CSMD1: variants seen among roughly 807,000 people sequenced by gnomAD.
The protein encoded by CSMD1 is CUB and Sushi multiple domains 1.
Under a neutral mutation model 417.5 loss-of-function variants are expected in CSMD1, and 213 were observed. The observed-to-expected ratio is 0.51, with a 90% CI of 0.46 to 0.57. The LOEUF (loss-of-function observed/expected upper bound fraction) is 0.57, where lower values mean the gene tolerates loss of function less well. Ranked by LOEUF, CSMD1 falls within the 20% of genes least tolerant of loss-of-function variation. The probability of loss-of-function intolerance (pLI) is 0.00; values close to 1 mark genes in which losing one functional copy is unlikely to be tolerated. For synonymous variants in CSMD1, 2,862 were observed against 1,736.8 expected (o/e 1.65, Z -16.11); for missense variants, 6,923 against 4,529.7 (o/e 1.53, Z -15.17).
chr8:4,019,487 G>T (rs1170021189), intron 4 of CSMD1, among the ~76,000 whole-genome samples: 1 of 152,146 alleles, frequency 6.6e-6, no homozygotes, highest in Non-Finnish European at 1.5e-5. Flanking sequence ...CTGTTTTACT[G>T]GGGCCCATTG....
At chr8:3,607,918 C>T (rs1043671610) in intron 8 of CSMD1, among the ~76,000 whole-genome samples, 1 of 152,042 alleles carries the variant, frequency 6.6e-6, no homozygotes, top group Non-Finnish European at 1.5e-5. Context: ...GCCTGTAATC[C>T]CAGCACTTTG....
intron 1 of CSMD1, among the ~76,000 whole-genome samples, chr8:4,753,988 G>C (rs754767692): frequency 1.3e-5 from 2 of 152,208 alleles, no homozygotes; most frequent in African/African-American, 4.8e-5. Flanking sequence ...TACAGGAAGA[G>C]TAAAAATAGT....
In CSMD1 at chr8:3,678,368, G is replaced by T. The variant is rs139114539; in HGVS notation, c.1009+30046C>A. 4.6e-3 allele frequency among the ~76,000 whole-genome samples: 696 copies of T among 152,282 alleles called. 2 individuals carry two copies. The highest frequency in any genetic ancestry group is 7.0e-3 in the Non-Finnish European group (476 of 68,028). On this transcript the variant is annotated intron_variant, in intron 7 of 69. Transcript: ENST00000635120. ...GGACCTGATGGAGCTGAAAACCATG[G>T]CACGGGAACTACGTGATGAATGCAC...
intron 15 of CSMD1, among the ~76,000 whole-genome samples, chr8:3,405,710 G>C (rs1182454662): frequency 2.0e-5 from 3 of 152,128 alleles, no homozygotes; most frequent in Non-Finnish European, 2.9e-5. Context: ...TTTGAGTCTG[G>C]AGGCAGAGAT....
chr8:4,522,287 G>A (rs529407938), intron 2 of CSMD1, among the ~76,000 whole-genome samples: 2 of 152,250 alleles, frequency 1.3e-5, no homozygotes, highest in African/African-American at 4.8e-5. Flanking sequence ...CTTGCCTTCT[G>A]CCATAATTGT....
intron 3 of CSMD1, among the ~76,000 whole-genome samples, chr8:4,319,359 C>A (rs1022380354): frequency 6.6e-6 from 1 of 152,014 alleles, no homozygotes; most frequent in African/African-American, 2.4e-5. Flanking sequence ...TTTCCTTTTG[C>A]TGAATGTTTC....
intron 7 of CSMD1, among the ~76,000 whole-genome samples, chr8:3,646,708 G>T (rs776586798): frequency 6.6e-6 from 1 of 152,100 alleles, no homozygotes; most frequent in Non-Finnish European, 1.5e-5. Flanking sequence ...CTTCTAAACA[G>T]CGCTTTCGAC....
intron 69 of CSMD1, among the ~76,000 whole-genome samples, chr8:2,940,741 G>A (rs917671714): frequency 1.3e-5 from 2 of 152,134 alleles, no homozygotes; most frequent in Middle Eastern, 3.2e-3. Flanking sequence ...CTTTTTAAAG[G>A]ACAAGACAAT....
At chr8:4,013,976 A>T (rs1469867737) in intron 4 of CSMD1, among the ~76,000 whole-genome samples, 1 of 152,204 alleles carries the variant, frequency 6.6e-6, no homozygotes, top group East Asian at 1.9e-4. Context: ...GTCCTCAATA[A>T]ACGTTCCTTG....
intron 2 of CSMD1, among the ~76,000 whole-genome samples, chr8:4,481,159 G>A (rs561492452): frequency 4.3e-4 from 66 of 152,260 alleles, no homozygotes; most frequent in Non-Finnish European, 6.9e-4. Context: ...GTAAGATTCC[G>A]AATACACATC....
chr8:4,419,754 T>C (rs1191940291), intron 3 of CSMD1, among the ~76,000 whole-genome samples, 199 bp downstream of exon 3: 1 of 152,140 alleles, frequency 6.6e-6, no homozygotes, highest in African/African-American at 2.4e-5. Context: ...AAGAAGAAAA[T>C]TGTGAACACG....
At chr8:4,410,327 G>A (rs756106231) in intron 3 of CSMD1, among the ~76,000 whole-genome samples, 19 of 152,236 alleles carry the variant, frequency 1.2e-4, no homozygotes, top group Non-Finnish European at 2.5e-4. Context: ...CAGCACAATG[G>A]TCACACTCAT....
At chr8:3,221,466 T>A (rs1319648328) in intron 28 of CSMD1, among the ~76,000 whole-genome samples, 1 of 152,150 alleles carries the variant, frequency 6.6e-6, no homozygotes, top group Non-Finnish European at 1.5e-5. Context: ...TCCCCAATAT[T>A]TGGCTTAGTT....
intron 5 of CSMD1, among the ~76,000 whole-genome samples, chr8:3,781,116 A>C (rs2129062748): frequency 6.6e-6 from 1 of 152,250 alleles, no homozygotes; most frequent in South Asian, 2.1e-4. Context: ...GAAGCCAAAA[A>C]CACCTTCAGC....
At chr8:4,800,683 C>A (rs999418564) in intron 1 of CSMD1, among the ~76,000 whole-genome samples, 9 of 152,162 alleles carry the variant, frequency 5.9e-5, no homozygotes, top group African/African-American at 2.2e-4. Context: ...AGGTCAGCTA[C>A]GTTGGGCTAA....
At chr8:3,812,443 T>G (rs1411897856) in intron 5 of CSMD1, among the ~76,000 whole-genome samples, 1 of 152,150 alleles carries the variant, frequency 6.6e-6, no homozygotes, top group African/African-American at 2.4e-5. Flanking sequence ...CTCACAATGA[T>G]GTGGCTAGAT....
chr8:4,396,793 T>A lies in CSMD1; in HGVS notation c.415+23160A>T, dbSNP rs77592856. Among the ~76,000 whole-genome samples, 1,142 of 151,984 alleles carry A rather than the reference T, an allele frequency of 7.5e-3. 10 individuals are homozygous for A. Among genetic ancestry groups the A allele is most frequent in the African/African-American group, 0.026 (1,064 of 41,460 alleles). ...TACCTCAGGAATAGAAAACCAAACA[T>A]CGTATGTTCTCACTTATAAGAAGTG... On this transcript the variant is annotated intron_variant, in intron 3 of 69. Coordinates refer to ENST00000635120, the MANE Select transcript of CSMD1 (RefSeq NM_033225.6).
chr8:4,962,233 CAGAG>C (rs1296365090), intron 1 of CSMD1, among the ~76,000 whole-genome samples: 1 of 150,578 alleles, frequency 6.6e-6, no homozygotes, highest in African/African-American at 2.5e-5. Flanking sequence ...TTGTTGGAGA[CAGAG>C]ACTCACTCTG....
intron 1 of CSMD1, among the ~76,000 whole-genome samples, chr8:4,838,812 A>T (rs1800663145): frequency 6.6e-6 from 1 of 152,082 alleles, no homozygotes; most frequent in African/African-American, 2.4e-5. Flanking sequence ...TGGCTCCCAA[A>T]CCAAGTGCTT....
Sources: allele counts gnomAD v4.1 joint callset (sites outside exome capture counted in the v4.1 genomes callset), GRCh38; gene constraint gnomAD v4.1.1; transcripts MANE v1.5; gene names NCBI Gene and HGNC (gene_info 2026-07-23, HGNC 2026-07-21).